The following SMCO1 variants were observed in gnomAD, a reference collection of about 807,000 sequenced individuals.
SMCO1 encodes single-pass membrane and coiled-coil domain-containing protein 1.
A neutral mutation model predicts 7.5 loss-of-function variants in SMCO1; 9 were observed. That is an observed-to-expected ratio of 1.20 (90% CI 0.72 to 2.09). The LOEUF (loss-of-function observed/expected upper bound fraction) is 2.09, where lower values mean the gene tolerates loss of function less well. Ranked by LOEUF, SMCO1 falls within the 30% of genes most tolerant of loss-of-function variation. The pLI is 0.00. For synonymous variants in SMCO1, 90 were observed against 93.8 expected (o/e 0.96, Z 0.23); for missense variants, 219 against 253.1 (o/e 0.87, Z 0.91).
chr3:196,512,926 T>C (rs934632862), intron 1 of SMCO1, among the ~76,000 whole-genome samples: 1 of 152,196 alleles, frequency 6.6e-6, no homozygotes, highest in African/African-American at 2.4e-5. Flanking sequence ...TATGAAGAAA[T>C]GTTGTCACTG....
intron 2 of SMCO1, among the ~76,000 whole-genome samples, chr3:196,508,828 T>C (rs1350765188): frequency 1.4e-5 from 2 of 146,790 alleles, no homozygotes; most frequent in Admixed American, 6.8e-5. Flanking sequence ...TCCCAGCTAC[T>C]CGGGAGGCTG....
In SMCO1 at chr3:196,515,231, A is replaced by C; in HGVS notation, c.-22T>G. 1 of 1,569,788 alleles carries C rather than the reference A, an allele frequency of 6.4e-7. No individual in the cohort carries two copies. Among genetic ancestry groups the C allele is most frequent in the South Asian group, 1.1e-5 (1 of 89,272 alleles). ...TCATCTTCTGAAGGCAAAAGGAAAG[A>C]AAACAAAAACAAAGCAAAACAAAAA... On this transcript the variant is annotated 5_prime_UTR_variant, in exon 1 of 3. Coordinates refer to ENST00000397537, the MANE Select transcript of SMCO1 (RefSeq NM_001077657.3).
rs1733081022 is a variant in SMCO1, at chr3:196,507,581, A to G, written c.*306T>C. 6.5e-6 allele frequency: 1 copy of G among 153,456 alleles called. No individual in the cohort carries two copies. Among genetic ancestry groups the G allele is most frequent in the African/African-American group, 2.4e-5 (1 of 41,366 alleles). 9.5% of individuals were successfully genotyped at this position (153,456 alleles called of 1,614,324 possible). ...AAGAAGTTTATGGATATGTAAACTA[A>G]TATGTGTTATATATATATTTATATA... On this transcript the variant is annotated 3_prime_UTR_variant, in exon 3 of 3. Transcript: ENST00000397537.
chr3:196,513,904 C>A (rs1733317234), intron 1 of SMCO1, among the ~76,000 whole-genome samples: 1 of 152,164 alleles, frequency 6.6e-6, no homozygotes, highest in Middle Eastern at 3.2e-3. Flanking sequence ...TCGTTAATGA[C>A]CTCACCATCC....
intron 2 of SMCO1, among the ~76,000 whole-genome samples, chr3:196,508,937 A>C (rs1329262019): frequency 8.4e-6 from 1 of 119,170 alleles, no homozygotes; most frequent in Non-Finnish European, 1.6e-5. Context: ...ACTCCATCTC[A>C]AAAAAAAAAA....
Position 196,506,924 on chromosome 3 carries a change from G to A in SMCO1, c.*963C>T, listed in dbSNP as rs6778889. On this transcript the variant is annotated 3_prime_UTR_variant, in exon 3 of 3. Coordinates refer to ENST00000397537, the MANE Select transcript of SMCO1 (RefSeq NM_001077657.3). ...TTATTGAGTGACAGAACGGCTCTTG[G>A]CAGTGAGAGGGGACCCGAAGGTGGG... 0.52 allele frequency: 78,482 copies of A among 151,906 alleles called. 23,342 individuals are homozygous for A. The highest frequency in any genetic ancestry group is 0.82 in the African/African-American group (33,744 of 41,392). 9.4% of individuals were successfully genotyped at this position (151,906 alleles called of 1,614,324 possible). A position where few individuals can be genotyped will look rare whatever the true frequency, so the allele number is the denominator to read the frequency against.
chr3:196,517,104 C>CGAAAA (rs774749663), upstream of SMCO1, among the ~76,000 whole-genome samples: 1 of 35,738 alleles, frequency 2.8e-5, no homozygotes, highest in African/African-American at 1.6e-4. Context: ...GACTCCATCG[C>CGAAAA]AAAAAAAAAA....
At chr3:196,510,132 A>C (rs1175593036) in intron 1 of SMCO1, among the ~76,000 whole-genome samples, 1 of 152,052 alleles carries the variant, frequency 6.6e-6, no homozygotes, top group Admixed American at 6.6e-5. Flanking sequence ...ATACCTGGCT[A>C]ATTTTTAAAA....
At chr3:196,512,024 T>G (rs1733253008) in intron 1 of SMCO1, among the ~76,000 whole-genome samples, 1 of 146,534 alleles carries the variant, frequency 6.8e-6, no homozygotes, top group Non-Finnish European at 1.5e-5. Flanking sequence ...ATTGTCCTTA[T>G]GAGGGAAACT....
chr3:196,515,090 C>A, intron 1 of SMCO1, 70 bp downstream of exon 1: 1 of 1,553,628 alleles, frequency 6.4e-7, no homozygotes, highest in South Asian at 1.1e-5. Context: ...TTCTATTCTT[C>A]ATTCTTCTCT....
At chr3:196,513,782 C>T (rs1447826254) in intron 1 of SMCO1, among the ~76,000 whole-genome samples, 2 of 152,138 alleles carry the variant, frequency 1.3e-5, no homozygotes, top group Non-Finnish European at 2.9e-5. Context: ...TGCAGCAGTT[C>T]TTTGGAATCC....
upstream of SMCO1, among the ~76,000 whole-genome samples, chr3:196,519,167 T>C (rs1368611146): frequency 1.3e-5 from 2 of 152,238 alleles, no homozygotes; most frequent in Admixed American, 6.5e-5. Context: ...AGGGAATTTT[T>C]GCAGCCCAGG....
upstream of SMCO1, among the ~76,000 whole-genome samples, chr3:196,516,019 AT>A: frequency 8.5e-6 from 1 of 118,098 alleles, no homozygotes; most frequent in African/African-American, 3.4e-5. Context: ...ATATATATAT[AT>A]ATATATATAT....
chr3:196,509,125 C>T (rs1024948098), intron 2 of SMCO1, among the ~76,000 whole-genome samples: 10 of 147,850 alleles, frequency 6.8e-5, no homozygotes, highest in African/African-American at 2.5e-4. Context: ...TCTCGGCTCA[C>T]TGCAAGCTCC....
chr3:196,509,177 G>A (rs1209542890), intron 2 of SMCO1, among the ~76,000 whole-genome samples: 37 of 147,898 alleles, frequency 2.5e-4, no homozygotes, highest in Admixed American at 2.5e-3. Flanking sequence ...AGCCTCCCGA[G>A]TAGTTGGGAC....
chr3:196,514,579 A>G (rs1348049592), intron 1 of SMCO1, among the ~76,000 whole-genome samples: 2 of 152,156 alleles, frequency 1.3e-5, no homozygotes, highest in Non-Finnish European at 2.9e-5. Flanking sequence ...TCTTTCCTAC[A>G]GGCTGTGAGC....
chr3:196,509,795 TTTTAC>T (rs1480764213), intron 1 of SMCO1, 126 bp from the exon 2 acceptor site: 6 of 753,236 alleles, frequency 8.0e-6, no homozygotes, highest in Non-Finnish European at 1.2e-5. Flanking sequence ...TTTTTTTTAC[TTTTAC>T]TTTAAACTAT....
upstream of SMCO1, among the ~76,000 whole-genome samples, chr3:196,516,019 ATATATATATAT>A (rs1733379043): frequency 8.5e-6 from 1 of 118,126 alleles, no homozygotes; most frequent in Non-Finnish European, 1.7e-5. Flanking sequence ...ATATATATAT[ATATATATATAT>A]AATTATATAT....
chr3:196,509,270 C>T (rs937258206), intron 2 of SMCO1, among the ~76,000 whole-genome samples: 1 of 140,784 alleles, frequency 7.1e-6, no homozygotes, highest in East Asian at 2.1e-4. Flanking sequence ...TTCACTGTGT[C>T]AGCCAGGGTG....
Sources: allele counts gnomAD v4.1 joint callset (sites outside exome capture counted in the v4.1 genomes callset), GRCh38; gene constraint gnomAD v4.1.1; transcripts MANE v1.5; gene names NCBI Gene and HGNC (gene_info 2026-07-23, HGNC 2026-07-21).